CPSF2: variants seen among roughly 807,000 people sequenced by gnomAD.
CPSF2 encodes cleavage and polyadenylation specific factor 2.
In CPSF2, 51 loss-of-function variants were observed where a neutral mutation model predicts 84.2. The observed-to-expected ratio is 0.61, with a 90% CI of 0.48 to 0.77. The LOEUF is 0.77. CPSF2 is among the 30% of genes least tolerant of loss of function. The probability of loss-of-function intolerance (pLI) is 0.00; values close to 1 mark genes in which losing one functional copy is unlikely to be tolerated. For missense variants in CPSF2, 641 were observed against 929.4 expected (o/e 0.69, Z 4.03); for synonymous variants, 286 against 311.9 (o/e 0.92, Z 0.87).
intron 7 of CPSF2, among the ~76,000 whole-genome samples, chr14:92,141,825 A>G (rs1332302320): frequency 6.6e-6 from 1 of 152,214 alleles, no homozygotes; most frequent in African/African-American, 2.4e-5. Flanking sequence ...CGGAAACACC[A>G]GGCTGGTTAC....
chr14:92,124,324 G>C (rs999807052), intron 1 of CPSF2, among the ~76,000 whole-genome samples: 4 of 152,128 alleles, frequency 2.6e-5, no homozygotes, highest in African/African-American at 2.4e-5. Flanking sequence ...AGGATCAACT[G>C]GGAACAGAAA....
At chr14:92,122,643 C>CTG (rs1174177818) in intron 1 of CPSF2, among the ~76,000 whole-genome samples, 212 of 151,894 alleles carry the variant, frequency 1.4e-3, no homozygotes, top group African/African-American at 4.7e-3. Flanking sequence ...TCGCGCCCTC[C>CTG]CGCCATCGCC....
chr14:92,144,385 T>G (rs1007284835), intron 9 of CPSF2, among the ~76,000 whole-genome samples: 3 of 152,236 alleles, frequency 2.0e-5, no homozygotes, highest in Non-Finnish European at 4.4e-5. Flanking sequence ...AACCTTCTTA[T>G]GGCTGAACGG....
intron 10 of CPSF2, among the ~76,000 whole-genome samples, 181 bp from the exon 11 acceptor site, chr14:92,154,942 C>A (rs1274771318): frequency 6.6e-6 from 1 of 152,086 alleles, no homozygotes; most frequent in Non-Finnish European, 1.5e-5. Context: ...AGAAAAGGTA[C>A]AGTAATCTTA....
chr14:92,122,784 G>T (rs1035905353), intron 1 of CPSF2, among the ~76,000 whole-genome samples: 8 of 152,016 alleles, frequency 5.3e-5, no homozygotes, highest in Non-Finnish European at 1.0e-4. Context: ...AGGCGAACCT[G>T]AGCTATCATT....
intron 9 of CPSF2, among the ~76,000 whole-genome samples, chr14:92,151,667 C>G (rs1835933577): frequency 6.6e-6 from 1 of 152,092 alleles, no homozygotes; most frequent in South Asian, 2.1e-4. Flanking sequence ...TTGCAAGAGA[C>G]TGAATGGAGA....
rs573992606 is a variant in CPSF2 at position 92,151,392 on chromosome 14, A to AAAAAC, written c.1141-2946_1141-2942dup. Among the ~76,000 whole-genome samples the AAAAAC allele has an allele frequency of 3.7e-4, 57 of 152,024 alleles. No homozygotes were observed. In the East Asian group the frequency reaches 6.2e-3, roughly 17 times the overall value. ...AGGCAACAGAGTGAGACCCTGTCTCAAAAACAAAACAAAACAAAACAAAAA... is the reference window on the plus strand; with the variant it reads ...AGGCAACAGAGTGAGACCCTGTCTCAAAAACAAAACAAAACAAAACAAAACAAAAA... On this transcript the variant is annotated intron_variant, in intron 9 of 15. Transcript: ENST00000298875.
chr14:92,139,837 C>A (rs2069051484), intron 7 of CPSF2, among the ~76,000 whole-genome samples: 1 of 151,814 alleles, frequency 6.6e-6, no homozygotes, highest in African/African-American at 2.4e-5. Context: ...CTGCACCTGG[C>A]CTTATATTCT....
intron 2 of CPSF2, among the ~76,000 whole-genome samples, chr14:92,127,248 T>C (rs540512583): frequency 2.0e-5 from 3 of 152,248 alleles, no homozygotes; most frequent in Non-Finnish European, 4.4e-5. Flanking sequence ...AATGATGTTG[T>C]AATGGATGTG....
In CPSF2 at chr14:92,158,976, T is replaced by C. The variant is rs779847814; in HGVS notation, c.1822-7T>C. Reference sequence around the variant, plus strand: ...TTTATTTCTCTCCCCCTCCTTTGCATGTCTAGGTGAGGTTAAAAGACTCAC... The same window carrying C: ...TTTATTTCTCTCCCCCTCCTTTGCACGTCTAGGTGAGGTTAAAAGACTCAC... On this transcript the variant is annotated splice_polypyrimidine_tract_variant and splice_region_variant and intron_variant, in intron 13 of 15. Transcript: ENST00000298875. 1 of 1,592,170 alleles carries C rather than the reference T, an allele frequency of 6.3e-7. No individual in the cohort carries two copies.
In CPSF2 at chr14:92,171,368, C is replaced by T. The variant is rs2069515016; in HGVS notation, c.*9624C>T. The T allele has an allele frequency of 6.6e-6, 1 of 152,100 alleles. No homozygotes were observed. Among genetic ancestry groups the T allele is most frequent in the South Asian group, 2.1e-4 (1 of 4,820 alleles). 9.4% of individuals were successfully genotyped at this position (152,100 alleles called of 1,614,324 possible). Reference sequence around the variant, plus strand: ...ATTTATATCAGTATAGAACATGGGTCCCTGTTTTATCATCTGTAAGTTATG... The same window carrying T: ...ATTTATATCAGTATAGAACATGGGTTCCTGTTTTATCATCTGTAAGTTATG... On this transcript the variant is annotated 3_prime_UTR_variant, in exon 16 of 16. Coordinates refer to ENST00000298875, the MANE Select transcript of CPSF2 (RefSeq NM_017437.3).
intron 7 of CPSF2, among the ~76,000 whole-genome samples, chr14:92,140,140 G>A (rs2069056799): frequency 6.6e-6 from 1 of 151,678 alleles, no homozygotes; most frequent in African/African-American, 2.4e-5. Flanking sequence ...TTTTAATAGA[G>A]ACGGGGTTTC....
chr14:92,135,445 A>T lies in CPSF2; in HGVS notation c.494A>T (p.Asp165Val). 6.2e-7 allele frequency: 1 copy of T among 1,613,770 alleles called. No individual in the cohort carries two copies. Among genetic ancestry groups the T allele is most frequent in the African/African-American group, 1.3e-5 (1 of 75,032 alleles). Residue 165 changes from aspartate to valine, a missense_variant, in exon 6 of 16, where the codon GAT (aspartate) becomes GTT (valine). Physicochemically the swap from Asp to Val is radical, Grantham distance 152. Transcript: ENST00000298875. ...GGAACAATATGGAAAATAGTCAAAG[A>T]TGGAGAAGAAGAAATTGTTTATGCA... ...IGGTIWKIVK[D>V]GEEEIVYAVD...
intron 9 of CPSF2, among the ~76,000 whole-genome samples, chr14:92,148,337 T>G (rs2069168692): frequency 6.6e-6 from 1 of 152,194 alleles, no homozygotes; most frequent in African/African-American, 2.4e-5. Context: ...TATTTTATCA[T>G]TATCTCTAAA....
At position 92,137,922 on chromosome 14, in the gene CPSF2, C is replaced by T. The variant is rs1023545070; in HGVS notation, c.546-310C>T. 4.6e-5 allele frequency among the ~76,000 whole-genome samples: 7 copies of T among 152,114 alleles called. No homozygotes were observed. In the East Asian group the frequency reaches 5.8e-4, roughly 13 times the overall value. On this transcript the variant is annotated intron_variant, in intron 6 of 15. Coordinates refer to ENST00000298875, the MANE Select transcript of CPSF2 (RefSeq NM_017437.3). The stretch of plus-strand genomic sequence containing the variant: ...TGTAAAATACATATGTATATCAGTA[C>T]TTACCATAAGACAGGGCAAAAAGAA...
chr14:92,146,478 G>A (rs568424620), intron 9 of CPSF2, among the ~76,000 whole-genome samples: 6 of 152,110 alleles, frequency 3.9e-5, no homozygotes, highest in Non-Finnish European at 7.4e-5. Flanking sequence ...CCAGGATCGC[G>A]CCACTGCACT....
intron 6 of CPSF2, among the ~76,000 whole-genome samples, 162 bp downstream of exon 6, chr14:92,135,658 AG>A (rs1231320653): frequency 2.6e-5 from 4 of 152,220 alleles, no homozygotes; most frequent in African/African-American, 7.2e-5. Context: ...TTGCATAGTA[AG>A]GGGGAAAGTA....
At chr14:92,150,275 C>A (rs979721436) in intron 9 of CPSF2, among the ~76,000 whole-genome samples, 1 of 151,606 alleles carries the variant, frequency 6.6e-6, no homozygotes, top group African/African-American at 2.4e-5. Context: ...CCACGTTGCC[C>A]AGCTAATTTT....
intron 5 of CPSF2, 96 bp downstream of exon 5, chr14:92,134,451 T>C: frequency 1.3e-6 from 1 of 794,934 alleles, no homozygotes; most frequent in Non-Finnish European, 2.0e-6. Context: ...ATAGGCATTA[T>C]AGGCTGAAGA....
Sources: gnomAD v4.1 joint callset for allele counts (sites outside exome capture counted in the v4.1 genomes callset) on GRCh38, gnomAD v4.1.1 for gene constraint, MANE v1.5 for transcripts, NCBI Gene and HGNC (gene_info 2026-07-23, HGNC 2026-07-21) for gene names.